The following KLF8 variants were observed in gnomAD, a reference collection of about 807,000 sequenced individuals.
KLF8 encodes the protein KLF transcription factor 8.
A neutral mutation model predicts 18.2 loss-of-function variants in KLF8; 10 were observed. The ratio of observed to expected loss-of-function variants is 0.55; its 90% CI spans 0.34 to 0.93. KLF8 has a LOEUF of 0.93. Ranked by LOEUF, KLF8 falls within the 40% of genes least tolerant of loss-of-function variation. The probability of loss-of-function intolerance (pLI) is 0.02; values close to 1 mark genes in which losing one functional copy is unlikely to be tolerated. For missense variants in KLF8, 264 were observed against 277.9 expected, an observed-to-expected ratio of 0.95 and a Z score of 0.36; for synonymous variants, 109 against 97.3, an observed-to-expected ratio of 1.12 and a Z score of -0.71.
At chrX:56,242,332 A>C (rs756385336) in intron 1 of KLF8, among the ~76,000 whole-genome samples, 1 of 112,545 alleles carries the variant, frequency 8.9e-6, no homozygotes, top group South Asian at 3.7e-4. Flanking sequence ...ATCAAAAATC[A>C]TACATAAGTT....
At chrX:55,994,251 T>A in the KLF8 span, among the ~76,000 whole-genome samples, 2 of 109,829 alleles carry the variant, frequency 1.8e-5, no homozygotes, top group Non-Finnish European at 3.8e-5. Flanking sequence ...TTCTTTTGTA[T>A]TTCTGTAGCA....
At chrX:56,140,453 G>A in the KLF8 span, among the ~76,000 whole-genome samples, 1 of 111,548 alleles carries the variant, frequency 9.0e-6, no homozygotes, top group African/African-American at 3.3e-5. Context: ...CATGTACTTT[G>A]CAGCAACATG....
the KLF8 span, among the ~76,000 whole-genome samples, chrX:56,098,262 A>T: frequency 8.9e-6 from 1 of 112,031 alleles, no homozygotes; most frequent in African/African-American, 3.2e-5. Flanking sequence ...AGACATCAGA[A>T]CTATAAGCCA....
At chrX:56,167,684 A>G in the KLF8 span, among the ~76,000 whole-genome samples, 2 of 111,781 alleles carry the variant, frequency 1.8e-5, no homozygotes, top group African/African-American at 6.5e-5. Context: ...ACAATGATTG[A>G]GCCCTTACCA....
At chrX:56,126,816 G>A in the KLF8 span, among the ~76,000 whole-genome samples, 3 of 98,407 alleles carry the variant, frequency 3.0e-5, no homozygotes, top group African/African-American at 1.1e-4. Flanking sequence ...GCAATGGCAC[G>A]ATCTTGGCTC....
the KLF8 span, among the ~76,000 whole-genome samples, chrX:56,035,921 T>C: frequency 8.9e-6 from 1 of 111,797 alleles, no homozygotes; most frequent in African/African-American, 3.2e-5. Flanking sequence ...ATAATGTAGA[T>C]GGTATTTTCA....
chrX:56,004,285 C>G, the KLF8 span, among the ~76,000 whole-genome samples: 8 of 112,276 alleles, frequency 7.1e-5, no homozygotes, highest in Non-Finnish European at 1.1e-4. Flanking sequence ...CAGATGTTGA[C>G]TGTTATTATT....
the KLF8 span, among the ~76,000 whole-genome samples, chrX:55,942,533 TAAAA>T: frequency 9.0e-6 from 1 of 110,997 alleles, no homozygotes; most frequent in Non-Finnish European, 1.9e-5. Flanking sequence ...ATAAAATTAA[TAAAA>T]AAAGAATCTA....
At chrX:56,089,295 A>T in the KLF8 span, among the ~76,000 whole-genome samples, 2 of 111,894 alleles carry the variant, frequency 1.8e-5, no homozygotes, top group Non-Finnish European at 3.8e-5. Flanking sequence ...TGACTATTTA[A>T]TTTTTACTAA....
the KLF8 span, among the ~76,000 whole-genome samples, chrX:55,977,937 T>G: frequency 9.1e-6 from 1 of 110,423 alleles, no homozygotes; most frequent in Non-Finnish European, 1.9e-5. Context: ...TGGCTGGGTT[T>G]TTTTGGTCTA....
At chrX:55,930,071 G>A in the KLF8 span, among the ~76,000 whole-genome samples, 3 of 110,946 alleles carry the variant, frequency 2.7e-5, no homozygotes, top group Non-Finnish European at 5.7e-5. Flanking sequence ...GCAGTGGTTT[G>A]TAGTTCTCCT....
At chrX:56,141,241 A>G in the KLF8 span, among the ~76,000 whole-genome samples, 1 of 112,271 alleles carries the variant, frequency 8.9e-6, no homozygotes, top group African/African-American at 3.2e-5. Flanking sequence ...TGCTGGGGTT[A>G]CAGGCGTGAG....
At chrX:56,152,272 G>C in the KLF8 span, among the ~76,000 whole-genome samples, 3 of 111,563 alleles carry the variant, frequency 2.7e-5, no homozygotes, top group Non-Finnish European at 3.8e-5. Context: ...GGGGGTCATA[G>C]TGCATGGCAG....
At chrX:56,122,414 A>G in the KLF8 span, among the ~76,000 whole-genome samples, 2 of 111,559 alleles carry the variant, frequency 1.8e-5, no homozygotes, top group African/African-American at 3.3e-5. Context: ...GAAATAAATG[A>G]CATACAATAT....
the KLF8 span, among the ~76,000 whole-genome samples, chrX:56,153,311 C>G: frequency 9.1e-6 from 1 of 109,317 alleles, no homozygotes; most frequent in East Asian, 2.9e-4. Context: ...GCTATGATTG[C>G]ACCACTGCGC....
chrX:56,259,781 T>C, intron 2 of KLF8, among the ~76,000 whole-genome samples: 1 of 111,420 alleles, frequency 9.0e-6, no homozygotes, highest in Middle Eastern at 4.7e-3. Flanking sequence ...ATTATTTACA[T>C]ACTTTAAAAT....
chrX:55,993,207 C>T, the KLF8 span, among the ~76,000 whole-genome samples: 13 of 111,219 alleles, frequency 1.2e-4, no homozygotes, highest in East Asian at 3.4e-3. Flanking sequence ...TGAGCTTTGA[C>T]CCATTCAGTA....
At chrX:55,979,275 A>G in the KLF8 span, among the ~76,000 whole-genome samples, 1 of 112,032 alleles carries the variant, frequency 8.9e-6, no homozygotes, top group Admixed American at 9.5e-5. Context: ...ATCCCACTCT[A>G]TCCTTCCTGG....
At chrX:56,074,689 A>G in the KLF8 span, 1 of 169,005 alleles carries the variant, frequency 5.9e-6, no homozygotes, top group Non-Finnish European at 1.1e-5. Context: ...AGATAATTGG[A>G]CCTTTTTAGT....
Sources: allele counts gnomAD v4.1 joint callset (sites outside exome capture counted in the v4.1 genomes callset), GRCh38; gene constraint gnomAD v4.1.1; transcripts MANE v1.5; gene names NCBI Gene and HGNC (gene_info 2026-07-23, HGNC 2026-07-21).